PCDHA5: variants seen among roughly 807,000 people sequenced by gnomAD.
PCDHA5 encodes the protein protocadherin alpha 5.
PCDHA5 carries 43 observed loss-of-function variants against 61.6 expected under a neutral mutation model. That is an observed-to-expected ratio of 0.70 (90% CI 0.55 to 0.90). PCDHA5 has a LOEUF of 0.90. PCDHA5 is among the 40% of genes least tolerant of loss of function. The probability of loss-of-function intolerance (pLI) is 0.00; values close to 1 mark genes in which losing one functional copy is unlikely to be tolerated. For synonymous variants in PCDHA5, 627 were observed against 543.9 expected (o/e 1.15, Z -2.13); for missense variants, 1,298 against 1,222.7 (o/e 1.06, Z -0.92).
intron 1 of PCDHA5, chr5:140,843,430 C>T: frequency 6.3e-7 from 1 of 1,596,170 alleles, no homozygotes; most frequent in Non-Finnish European, 8.6e-7. Context: ...TGATCATCGC[C>T]ATCTGCGCGG....
At chr5:140,887,376 G>A (rs1169212781) in intron 1 of PCDHA5, among the ~76,000 whole-genome samples, 1 of 152,158 alleles carries the variant, frequency 6.6e-6, no homozygotes, top group Non-Finnish European at 1.5e-5. Context: ...GATTACAGGT[G>A]TGAGCCACCG....
chr5:140,854,042 G>A lies in PCDHA5; in HGVS notation c.2352+29915G>A, dbSNP rs1005442587. 1.8e-5 allele frequency: 5 copies of A among 285,684 alleles called. 1 individual carries two copies. The highest frequency in any genetic ancestry group is 2.7e-5 in the Non-Finnish European group (5 of 185,908). The allele number at this position is 285,684 out of a possible 1,614,324, so 17.7% of individuals were successfully genotyped here. A position where few individuals can be genotyped will look rare whatever the true frequency, so the allele number is the denominator to read the frequency against. On this transcript the variant is annotated intron_variant, in intron 1 of 3. Coordinates refer to ENST00000529859, the MANE Select transcript of PCDHA5 (RefSeq NM_018908.3). ...CCGGGCATGGTGGCACACATCTCTA[G>A]TCCCAATTACTCAGGAGGCTGAGGC...
intron 1 of PCDHA5, chr5:140,854,468 A>G (rs1581342472): frequency 6.7e-6 from 1 of 150,046 alleles, no homozygotes; most frequent in African/African-American, 2.4e-5. Flanking sequence ...CCAGAGGAGT[A>G]GAGAAGTATA....
At chr5:140,945,935 G>T (rs2093863887) in intron 1 of PCDHA5, among the ~76,000 whole-genome samples, 1 of 151,964 alleles carries the variant, frequency 6.6e-6, no homozygotes, top group Admixed American at 6.6e-5. Flanking sequence ...GAGCAATGAT[G>T]TTTTTTATAT....
At chr5:140,998,054 A>G (rs562918919) in intron 3 of PCDHA5, among the ~76,000 whole-genome samples, 37 of 152,304 alleles carry the variant, frequency 2.4e-4, no homozygotes, top group African/African-American at 8.9e-4. Flanking sequence ...CAGTGACATC[A>G]TCATCAACAG....
intron 1 of PCDHA5, among the ~76,000 whole-genome samples, chr5:140,952,114 A>G (rs246038): frequency 0.56 from 85,531 of 151,814 alleles, 24,721 homozygotes; most frequent in African/African-American, 0.69. Flanking sequence ...CGTGTGAGGG[A>G]TGGGCTCCCA....
At chr5:140,894,652 A>G (rs578187402) in intron 1 of PCDHA5, among the ~76,000 whole-genome samples, 234 of 151,944 alleles carry the variant, frequency 1.5e-3, no homozygotes, top group African/African-American at 4.9e-3. Flanking sequence ...GAGTCTCTCT[A>G]ATTCTGATTT....
chr5:140,890,488 T>C (rs1022131727), intron 1 of PCDHA5, among the ~76,000 whole-genome samples: 20 of 152,340 alleles, frequency 1.3e-4, no homozygotes, highest in African/African-American at 4.8e-4. Flanking sequence ...GTTATTTTTG[T>C]CTCACCATTT....
chr5:140,882,450 C>T (rs781827745), intron 1 of PCDHA5: 2 of 1,613,990 alleles, frequency 1.2e-6, no homozygotes, highest in Non-Finnish European at 1.7e-6. Flanking sequence ...GAGCTGGTGC[C>T]GCGCCTGTTC....
At chr5:140,973,007 G>T (rs2096567856) in intron 1 of PCDHA5, among the ~76,000 whole-genome samples, 1 of 152,160 alleles carries the variant, frequency 6.6e-6, no homozygotes, top group Non-Finnish European at 1.5e-5. Context: ...TGTGGTCGTG[G>T]TGTTGTGATT....
intron 1 of PCDHA5, among the ~76,000 whole-genome samples, chr5:140,917,131 G>C (rs572644426): frequency 6.6e-6 from 1 of 152,072 alleles, no homozygotes; most frequent in Non-Finnish European, 1.5e-5. Flanking sequence ...GACTCCCCAC[G>C]TTGCTCAGCT....
intron 1 of PCDHA5, among the ~76,000 whole-genome samples, chr5:140,978,500 G>T (rs1480843119): frequency 2.0e-5 from 3 of 152,228 alleles, no homozygotes; most frequent in Non-Finnish European, 2.9e-5. Context: ...GCAGCAGATT[G>T]CAGTCCTCTG....
chr5:140,934,349 T>C (rs1466597753), intron 1 of PCDHA5, among the ~76,000 whole-genome samples: 2 of 152,202 alleles, frequency 1.3e-5, no homozygotes, highest in African/African-American at 4.8e-5. Flanking sequence ...CAGTACAGTG[T>C]GGAGCCACTG....
chr5:140,970,210 C>G (rs184537292), intron 1 of PCDHA5, among the ~76,000 whole-genome samples: 1 of 152,190 alleles, frequency 6.6e-6, no homozygotes, highest in Non-Finnish European at 1.5e-5. Context: ...CTGAATTTAG[C>G]TTAAATGCAG....
intron 1 of PCDHA5, among the ~76,000 whole-genome samples, chr5:140,969,759 T>C (rs576118722): frequency 1.3e-5 from 2 of 152,338 alleles, no homozygotes; most frequent in African/African-American, 4.8e-5. Flanking sequence ...CTTAAAAAGC[T>C]CTGAGGCCTC....
intron 1 of PCDHA5, among the ~76,000 whole-genome samples, chr5:140,948,880 C>G (rs1430288840): frequency 6.6e-6 from 1 of 151,410 alleles, no homozygotes; most frequent in Non-Finnish European, 1.5e-5. Flanking sequence ...TTACTTTGCT[C>G]TCTTTTAGAT....
chr5:140,833,197 A>C (rs2150206891), intron 1 of PCDHA5, among the ~76,000 whole-genome samples: 8 of 152,216 alleles, frequency 5.3e-5, no homozygotes, highest in Non-Finnish European at 8.8e-5. Context: ...TAAATGAAGG[A>C]GAATGAAATA....
intron 2 of PCDHA5, among the ~76,000 whole-genome samples, chr5:140,979,425 A>G (rs1009935948): frequency 2.0e-5 from 3 of 151,814 alleles, no homozygotes; most frequent in African/African-American, 7.3e-5. Context: ...TTTTAATCTC[A>G]CATTGGCTAT....
intron 1 of PCDHA5, among the ~76,000 whole-genome samples, chr5:140,953,061 G>A (rs919542084): frequency 2.0e-5 from 3 of 152,064 alleles, no homozygotes; most frequent in African/African-American, 7.2e-5. Flanking sequence ...CCTCTCACAG[G>A]CCCCATCTCC....
Sources: gnomAD v4.1 joint callset for allele counts (sites outside exome capture counted in the v4.1 genomes callset) on GRCh38, gnomAD v4.1.1 for gene constraint, MANE v1.5 for transcripts, NCBI Gene and HGNC (gene_info 2026-07-23, HGNC 2026-07-21) for gene names.